The following PDZD2 variants were observed in gnomAD, a reference collection of about 807,000 sequenced individuals.
PDZD2 encodes PDZ domain containing 2.
A neutral mutation model predicts 220.7 loss-of-function variants in PDZD2; 90 were observed. The ratio of observed to expected loss-of-function variants is 0.41; its 90% CI spans 0.34 to 0.49. PDZD2 has a LOEUF of 0.49. PDZD2 is among the 20% of genes least tolerant of loss of function. The pLI is 0.28. For missense variants in PDZD2, 3,174 were observed against 3,608.5 expected (o/e 0.88, Z 3.08); for synonymous variants, 1,375 against 1,450.5 (o/e 0.95, Z 1.18).
intron 1 of PDZD2, among the ~76,000 whole-genome samples, chr5:31,781,810 G>A (rs1417795479): frequency 6.6e-6 from 1 of 152,166 alleles, no homozygotes; most frequent in African/African-American, 2.4e-5. Context: ...CATTTTGTCA[G>A]TGCCTATTTC....
At chr5:31,971,192 C>A (rs1232877748) in intron 2 of PDZD2, among the ~76,000 whole-genome samples, 3 of 152,232 alleles carry the variant, frequency 2.0e-5, no homozygotes, top group South Asian at 2.1e-4. Context: ...TCTCACAGTT[C>A]TGGAGGCTGG....
chr5:32,110,590 A>C lies in PDZD2; in HGVS notation c.*2455A>C, dbSNP rs1745297907. Reference sequence around the variant, plus strand: ...TTTTTTTTTAACTGGTCAGTCATTCACAATAAGCTATGAGGGTAAATAAAT... The same window carrying C: ...TTTTTTTTTAACTGGTCAGTCATTCCCAATAAGCTATGAGGGTAAATAAAT... On this transcript the variant is annotated 3_prime_UTR_variant, in exon 25 of 25. Coordinates refer to ENST00000438447, the MANE Select transcript of PDZD2 (RefSeq NM_178140.4). 1 of 152,608 alleles carries C rather than the reference A, an allele frequency of 6.6e-6. No individual in the cohort carries two copies. The highest frequency in any genetic ancestry group is 1.5e-5 in the Non-Finnish European group (1 of 68,034). The allele number at this position is 152,608 out of a possible 1,614,324, so 9.5% of individuals were successfully genotyped here. A position where few individuals can be genotyped will look rare whatever the true frequency, so the allele number is the denominator to read the frequency against.
At chr5:31,969,606 G>A (rs1749111416) in intron 2 of PDZD2, among the ~76,000 whole-genome samples, 1 of 150,826 alleles carries the variant, frequency 6.6e-6, no homozygotes, top group Admixed American at 6.7e-5. Context: ...AGTGGTGGCT[G>A]GGATTAGAAT....
In PDZD2 at chr5:31,799,042, C is replaced by G; in HGVS notation, c.-207C>G. The G allele has an allele frequency of 1.8e-6, 1 of 569,324 alleles. No homozygotes were observed. The highest frequency in any genetic ancestry group is 3.1e-6 in the Non-Finnish European group (1 of 319,666). The allele number at this position is 569,324 out of a possible 1,614,324, so 35.3% of individuals were successfully genotyped here. On this transcript the variant is annotated 5_prime_UTR_variant, in exon 2 of 25. Transcript: ENST00000438447. The stretch of plus-strand genomic sequence containing the variant: ...ATTGAGCACTCCAGTGCCATTGTTC[C>G]ACAGTTGTTCTAATTGGGTCCTAGC...
intron 1 of PDZD2, among the ~76,000 whole-genome samples, chr5:31,737,362 T>G (rs185674465): frequency 6.6e-5 from 10 of 151,522 alleles, no homozygotes; most frequent in Admixed American, 2.0e-4. Flanking sequence ...TTAGTAGAGA[T>G]GGGGTTTCAC....
At chr5:32,077,087 T>A (rs1390213271) in intron 18 of PDZD2, among the ~76,000 whole-genome samples, 1 of 152,240 alleles carries the variant, frequency 6.6e-6, no homozygotes, top group Non-Finnish European at 1.5e-5. Flanking sequence ...ATTCCCTCAC[T>A]ACCAAACTAA....
intron 1 of PDZD2, among the ~76,000 whole-genome samples, chr5:31,719,039 C>T (rs1363483401): frequency 6.6e-6 from 1 of 152,098 alleles, no homozygotes; most frequent in Non-Finnish European, 1.5e-5. Context: ...TTTAAAGACA[C>T]TATCTCTAAA....
chr5:31,809,547 G>A (rs372435175), intron 2 of PDZD2, among the ~76,000 whole-genome samples: 253 of 152,240 alleles, frequency 1.7e-3, no homozygotes, highest in African/African-American at 5.7e-3. Context: ...TCAGCTCTTC[G>A]TGATGGATGA....
At chr5:31,855,050 C>T (rs1311249732) in intron 2 of PDZD2, 1 of 985,228 alleles carries the variant, frequency 1.0e-6, no homozygotes, top group Non-Finnish European at 1.2e-6. Context: ...GGCTAATGAG[C>T]TGCCCCGGGG....
chr5:31,861,104 T>C (rs958341101), intron 2 of PDZD2, among the ~76,000 whole-genome samples: 3 of 152,086 alleles, frequency 2.0e-5, no homozygotes, highest in Non-Finnish European at 4.4e-5. Flanking sequence ...AGACGCAAAA[T>C]AGATGGCCCT....
chr5:31,727,268 C>A (rs1749204080), intron 1 of PDZD2, among the ~76,000 whole-genome samples: 1 of 152,170 alleles, frequency 6.6e-6, no homozygotes, highest in South Asian at 2.1e-4. Flanking sequence ...TTGATGGCTG[C>A]TTGACTTGGA....
At chr5:31,957,409 G>A (rs546432367) in intron 2 of PDZD2, among the ~76,000 whole-genome samples, 5 of 152,298 alleles carry the variant, frequency 3.3e-5, no homozygotes, top group Admixed American at 2.0e-4. Context: ...GGGGTGTTAC[G>A]GGGCTGACCA....
chr5:31,665,646 C>CG (rs1208835558), intron 1 of PDZD2, among the ~76,000 whole-genome samples: 2 of 110,366 alleles, frequency 1.8e-5, no homozygotes, highest in Non-Finnish European at 3.7e-5. Flanking sequence ...GTTCCCCCTC[C>CG]CCCCCCTCCC....
intron 2 of PDZD2, among the ~76,000 whole-genome samples, chr5:31,974,465 G>A (rs1355333885): frequency 6.6e-6 from 1 of 152,136 alleles, no homozygotes; most frequent in African/African-American, 2.4e-5. Context: ...CCTTTTACAG[G>A]CTTAATGTTG....
intron 2 of PDZD2, among the ~76,000 whole-genome samples, chr5:31,956,409 A>T (rs1037699229): frequency 6.7e-6 from 1 of 149,550 alleles, no homozygotes; most frequent in Non-Finnish European, 1.5e-5. Flanking sequence ...CAAAATCATA[A>T]TGAAAGAGGA....
At chr5:31,859,439 C>A (rs1737480498) in intron 2 of PDZD2, among the ~76,000 whole-genome samples, 1 of 152,154 alleles carries the variant, frequency 6.6e-6, no homozygotes, top group African/African-American at 2.4e-5. Context: ...GTCTTCCAAC[C>A]CATATGTTCA....
chr5:31,898,204 C>CT (rs1741750632), intron 2 of PDZD2, among the ~76,000 whole-genome samples: 2 of 152,250 alleles, frequency 1.3e-5, no homozygotes, highest in African/African-American at 4.8e-5. Context: ...TGCTTCAAAT[C>CT]TGTTAGACCA....
chr5:31,750,544 G>T (rs530160013), intron 1 of PDZD2, among the ~76,000 whole-genome samples: 1 of 152,166 alleles, frequency 6.6e-6, no homozygotes, highest in Non-Finnish European at 1.5e-5. Flanking sequence ...ACGAGGGTCC[G>T]CCAAGGATGG....
intron 1 of PDZD2, among the ~76,000 whole-genome samples, chr5:31,699,796 T>G (rs1374760480): frequency 1.3e-5 from 2 of 151,226 alleles, no homozygotes; most frequent in African/African-American, 4.9e-5. Context: ...TTTTTTGTTT[T>G]TTTTTTGGTA....
Sources: allele counts gnomAD v4.1 joint callset (sites outside exome capture counted in the v4.1 genomes callset), GRCh38; gene constraint gnomAD v4.1.1; transcripts MANE v1.5; gene names NCBI Gene and HGNC (gene_info 2026-07-23, HGNC 2026-07-21).